Variants in PRPF38B observed in about 807,000 individuals in gnomAD.
The protein encoded by PRPF38B is pre-mRNA-splicing factor 38B.
Under a neutral mutation model 67.2 loss-of-function variants are expected in PRPF38B, and 18 were observed. The ratio of observed to expected loss-of-function variants is 0.27; its 90% CI spans 0.19 to 0.40. The LOEUF (loss-of-function observed/expected upper bound fraction) is 0.40. PRPF38B is among the 10% of genes least tolerant of loss of function. The pLI is 1.00. For synonymous variants in PRPF38B, 246 were observed against 234.2 expected (o/e 1.05, Z -0.46); for missense variants, 544 against 684.9 (o/e 0.79, Z 2.30).
At chr1:108,695,914 A>G in intron 2 of PRPF38B, 129 bp from the exon 3 acceptor site, 2 of 1,363,766 alleles carry the variant, frequency 1.5e-6, no homozygotes, top group Non-Finnish European at 1.0e-6. Context: ...AGGGTTAGAA[A>G]AGTGTTACTT....
At chr1:108,695,435 C>G (rs1157657722) in intron 1 of PRPF38B, among the ~76,000 whole-genome samples, 1 of 152,160 alleles carries the variant, frequency 6.6e-6, no homozygotes. Context: ...ATGTAGATAT[C>G]AGCTCTTTAT....
At chr1:108,696,909 A>G (rs1182276554) in intron 4 of PRPF38B, 1 of 536,470 alleles carries the variant, frequency 1.9e-6, no homozygotes, top group East Asian at 3.2e-5. Flanking sequence ...ACACCTTTAA[A>G]AAAGAAATTT....
Position 108,699,518 on chromosome 1 carries a change from AAG to A in PRPF38B, c.1148_1149del (p.Glu383AlafsTer12), listed in dbSNP as rs779718570. ...AAGGAAAGAGGAAATGAACGAGAAA[AAG>A]AGAGAGAGCGATCAAGAGAAAGGTC... is the stretch of plus-strand genomic sequence containing the variant. On this transcript the variant is annotated frameshift_variant, in exon 6 of 6. Coordinates refer to ENST00000370025, the MANE Select transcript of PRPF38B (RefSeq NM_018061.4). LOFTEE classifies it high-confidence loss of function. 4.5e-6 allele frequency: 7 copies of A among 1,565,754 alleles called. No homozygotes were observed. The highest frequency in any genetic ancestry group is 1.4e-5 in the African/African-American group (1 of 73,412).
chr1:108,698,981 G>C (rs180713727), intron 5 of PRPF38B, among the ~76,000 whole-genome samples, 154 bp downstream of exon 5: 1 of 151,808 alleles, frequency 6.6e-6, no homozygotes, highest in Non-Finnish European at 1.5e-5. Flanking sequence ...TTCCTTTCAG[G>C]GCTTTTTCTA....
At position 108,699,587 on chromosome 1, in the gene PRPF38B, A is replaced by G. The variant is rs756837466; in HGVS notation, c.1208A>G (p.His403Arg). The stretch of plus-strand genomic sequence containing the variant: ...AGGGGAGAGGTAGAAGAGAAGAAAC[A>G]TAAAGAAGACAAAGATGATAGGCGG... Reference protein sequence around the residue: ...RSRGEVEEKKHKEDKDDRRHR... With the variant: ...RSRGEVEEKKRKEDKDDRRHR... Residue 403 changes from histidine to arginine, a missense_variant, in exon 6 of 6, where the codon CAT becomes CGT. Coordinates refer to ENST00000370025, the MANE Select transcript of PRPF38B (RefSeq NM_018061.4). 2 of 1,553,276 alleles carry G rather than the reference A, an allele frequency of 1.3e-6. No homozygotes were observed. Among genetic ancestry groups the G allele is most frequent in the Non-Finnish European group, 1.7e-6 (2 of 1,147,782 alleles).
Position 108,699,954 on chromosome 1 carries a change from A to G in PRPF38B, c.1575A>G (p.Arg525=). Reference sequence around the variant, plus strand: ...ACCAGTCAGACAAACATGATCGTCGAAGGAGCCAAAGTATAGAACAAGAGA... The same window carrying G: ...ACCAGTCAGACAAACATGATCGTCGGAGGAGCCAAAGTATAGAACAAGAGA... ...SKDQSDKHDR[R]RSQSIEQESQ... is the part of the protein sequence containing the mutation. The change falls in exon 6 of 6, where the codon CGA becomes CGG. Residue 525 remains arginine (R), a synonymous_variant. Transcript: ENST00000370025. 1 of 1,613,094 alleles carries G rather than the reference A, an allele frequency of 6.2e-7. No individual in the cohort carries two copies. The highest frequency in any genetic ancestry group is 2.2e-5 in the East Asian group (1 of 44,874).
rs1660343756 is a variant in PRPF38B, at chr1:108,700,281, C to T, written c.*261C>T. On this transcript the variant is annotated 3_prime_UTR_variant, in exon 6 of 6. Transcript: ENST00000370025. Reference sequence around the variant, plus strand: ...TTGTTTTTGAAATGTACAGTCTGTACATATGTCCTGAAAATGTTTTAATTC... The same window carrying T: ...TTGTTTTTGAAATGTACAGTCTGTATATATGTCCTGAAAATGTTTTAATTC... 1 of 419,028 alleles carries T rather than the reference C, an allele frequency of 2.4e-6. No individual in the cohort carries two copies. Among genetic ancestry groups the T allele is most frequent in the South Asian group, 7.6e-5 (1 of 13,180 alleles). The allele number at this position is 419,028 out of a possible 1,614,324, so 26.0% of individuals were successfully genotyped here. A position where few individuals can be genotyped will look rare whatever the true frequency, so the allele number is the denominator to read the frequency against.
chr1:108,696,781 T>C (rs889828557), intron 4 of PRPF38B: 1 of 716,528 alleles, frequency 1.4e-6, no homozygotes, highest in Non-Finnish European at 2.6e-6. Context: ...GTATTCCCAC[T>C]TGCATAGAAG....
chr1:108,702,037 GAATTT>G lies in PRPF38B; in HGVS notation c.*2020_*2024del, dbSNP rs1462943300. 2.0e-5 allele frequency among the ~76,000 whole-genome samples: 3 copies of G among 152,224 alleles called. No individual in the cohort carries two copies. The highest frequency in any genetic ancestry group is 7.2e-5 in the African/African-American group (3 of 41,454). ...GACTATTTTAAGTAAAATGTGGAAA[GAATTT>G]AAATTACTTCACATGGAGGTGAAAG... On this transcript the variant is annotated 3_prime_UTR_variant, in exon 6 of 6. Transcript: ENST00000370025.
In PRPF38B at chr1:108,700,282, A is replaced by T; in HGVS notation, c.*262A>T. On this transcript the variant is annotated 3_prime_UTR_variant, in exon 6 of 6. Coordinates refer to ENST00000370025, the MANE Select transcript of PRPF38B (RefSeq NM_018061.4). ...TGTTTTTGAAATGTACAGTCTGTAC[A>T]TATGTCCTGAAAATGTTTTAATTCC... is the stretch of plus-strand genomic sequence containing the variant. 1 of 414,044 alleles carries T rather than the reference A, an allele frequency of 2.4e-6. No homozygotes were observed. Among genetic ancestry groups the T allele is most frequent in the Non-Finnish European group, 3.8e-6 (1 of 260,982 alleles). The allele number at this position is 414,044 out of a possible 1,614,324, so 25.6% of individuals were successfully genotyped here. A position where few individuals can be genotyped will look rare whatever the true frequency, so the allele number is the denominator to read the frequency against.
At chr1:108,697,011 C>T (rs911315281) in intron 4 of PRPF38B, 7 of 481,038 alleles carry the variant, frequency 1.5e-5, no homozygotes, top group Admixed American at 1.1e-4. Flanking sequence ...TGGTGGCTCA[C>T]ATTGTAATCC....
intron 1 of PRPF38B, chr1:108,693,461 A>G (rs541710744): frequency 3.8e-6 from 1 of 263,074 alleles, no homozygotes; most frequent in South Asian, 1.4e-4. Flanking sequence ...CCACCTGTGC[A>G]TTGGGCTAAT....
chr1:108,699,938 A>G lies in PRPF38B; in HGVS notation c.1559A>G (p.Asp520Gly), dbSNP rs752614208. The G allele has an allele frequency of 6.2e-7, 1 of 1,614,066 alleles. No individual in the cohort carries two copies. The highest frequency in any genetic ancestry group is 8.5e-7 in the Non-Finnish European group (1 of 1,180,010). ...CACAGTGATAGTAAGGACCAGTCAG[A>G]CAAACATGATCGTCGAAGGAGCCAA... ...RDHSDSKDQS[D>G]KHDRRRSQSI... The change falls in exon 6 of 6, where the codon GAC becomes GGC. Residue 520 changes from aspartate to glycine, a missense_variant. Asp to Gly is a moderately conservative substitution (Grantham distance 94). Coordinates refer to ENST00000370025, the MANE Select transcript of PRPF38B (RefSeq NM_018061.4).
chr1:108,696,497 G>T, intron 4 of PRPF38B, 160 bp downstream of exon 4: 1 of 645,620 alleles, frequency 1.5e-6, no homozygotes, highest in Non-Finnish European at 2.7e-6. Context: ...AGACCTGATG[G>T]CTTTTATGTA....
At position 108,696,037 on chromosome 1, in the gene PRPF38B, C is replaced by T. The variant is rs1557764421; in HGVS notation, c.346-6C>T. The stretch of plus-strand genomic sequence containing the variant: ...ACTACTTTTTCTTAACTCGTTTCCC[C>T]TAAAGGTTCGAGGTGTTGGAACAGG... On this transcript the variant is annotated splice_polypyrimidine_tract_variant and splice_region_variant and intron_variant, in intron 2 of 5. Transcript: ENST00000370025. 1 of 1,611,194 alleles carries T rather than the reference C, an allele frequency of 6.2e-7. No homozygotes were observed. Among genetic ancestry groups the T allele is most frequent in the South Asian group, 1.1e-5 (1 of 90,362 alleles).
Position 108,699,746 on chromosome 1 carries a change from CAAGT to C in PRPF38B, c.1370_1373del (p.Ser457AsnfsTer73). ...AGTAGAAGTAGAAGCAAAGAGAAAT[CAAGT>C]AAACATAAAAATGAAAGTAAAGAAA... On this transcript the variant is annotated frameshift_variant, in exon 6 of 6. Coordinates refer to ENST00000370025, the MANE Select transcript of PRPF38B (RefSeq NM_018061.4). LOFTEE classifies it high-confidence loss of function. 1 of 1,613,448 alleles carries C rather than the reference CAAGT, an allele frequency of 6.2e-7. No homozygotes were observed. The highest frequency in any genetic ancestry group is 8.5e-7 in the Non-Finnish European group (1 of 1,179,882).
chr1:108,692,448 C>G lies in PRPF38B; in HGVS notation c.-144C>G. 1 of 1,018,970 alleles carries G rather than the reference C, an allele frequency of 9.8e-7. No homozygotes were observed. The highest frequency in any genetic ancestry group is 1.4e-6 in the Non-Finnish European group (1 of 720,888). 63.1% of individuals were successfully genotyped at this position (1,018,970 alleles called of 1,614,324 possible). A position where few individuals can be genotyped will look rare whatever the true frequency, so the allele number is the denominator to read the frequency against. ...ATTTTGTCGGCGTCGGGTGCCCTCTCTTGCCCAGCTGGGGCACAGCGAGGC... is the reference window on the plus strand; with the variant it reads ...ATTTTGTCGGCGTCGGGTGCCCTCTGTTGCCCAGCTGGGGCACAGCGAGGC... On this transcript the variant is annotated 5_prime_UTR_variant, in exon 1 of 6. Coordinates refer to ENST00000370025, the MANE Select transcript of PRPF38B (RefSeq NM_018061.4).
Position 108,698,677 on chromosome 1 carries a change from T to A in PRPF38B, c.632T>A (p.Leu211Gln). Residue 211 changes from leucine to glutamine, a missense_variant, in exon 5 of 6, where the codon CTG becomes CAG. By Grantham distance (113) the Leu-to-Gln change is moderately radical. Transcript: ENST00000370025. ...ATGCTACGATCTTTTCTCACAAAACTGGAGTGGTTTTCTACCTTGTTTCCA... is the reference window on the plus strand; with the variant it reads ...ATGCTACGATCTTTTCTCACAAAACAGGAGTGGTTTTCTACCTTGTTTCCA... Reference protein sequence around the residue: ...GEMLRSFLTKLEWFSTLFPRI... With the variant: ...GEMLRSFLTKQEWFSTLFPRI... 2 of 1,614,152 alleles carry A rather than the reference T, an allele frequency of 1.2e-6. No homozygotes were observed. The highest frequency in any genetic ancestry group is 1.7e-6 in the Non-Finnish European group (2 of 1,179,992).
Position 108,699,344 on chromosome 1 carries a change from A to G in PRPF38B, c.965A>G (p.Asp322Gly). The part of the protein sequence containing the change: ...EKERRRSRSI[D>G]RGLERRRSRS... ...GAACGGCGAAGATCCCGAAGTATTG[A>G]CCGGGGGTTAGAACGCAGGCGCAGC... Residue 322 changes from aspartate to glycine, a missense_variant, in exon 6 of 6, where the codon GAC becomes GGC. This residue lies in a region of PRPF38B where 387 missense variants were observed against 386.1 expected (regional missense o/e 1.00). Transcript: ENST00000370025. The G allele has an allele frequency of 6.2e-7, 1 of 1,614,146 alleles. No individual in the cohort carries two copies. Among genetic ancestry groups the G allele is most frequent in the Non-Finnish European group, 8.5e-7 (1 of 1,180,022 alleles).
Sources: gnomAD v4.1 joint callset for allele counts (sites outside exome capture counted in the v4.1 genomes callset) on GRCh38, gnomAD v4.1.1 for gene constraint, gnomAD v4.1.1 regional missense constraint, MANE v1.5 for transcripts, NCBI Gene and HGNC (gene_info 2026-07-23, HGNC 2026-07-21) for gene names.